ABAT: variants seen among roughly 807,000 people sequenced by gnomAD.
ABAT encodes 4-aminobutyrate aminotransferase, mitochondrial.
In ABAT, 45 loss-of-function variants were observed where a neutral mutation model predicts 64.6. That is an observed-to-expected ratio of 0.70 (90% CI 0.55 to 0.89). The LOEUF (loss-of-function observed/expected upper bound fraction) is 0.89. ABAT is among the 40% of genes least tolerant of loss of function. The pLI is 0.00. For synonymous variants in ABAT, 297 were observed against 250.5 expected (o/e 1.19, Z -1.75); for missense variants, 633 against 658.4 (o/e 0.96, Z 0.42).
At chr16:8,759,880 T>C (rs1419021946) in intron 6 of ABAT, among the ~76,000 whole-genome samples, 1 of 152,012 alleles carries the variant, frequency 6.6e-6, no homozygotes, top group Non-Finnish European at 1.5e-5. Context: ...GTAAATGGAG[T>C]TTTGCAGTGT....
intron 9 of ABAT, 57 bp downstream of exon 9, chr16:8,766,327 G>C (rs747634317): frequency 2.0e-4 from 306 of 1,554,028 alleles, no homozygotes; most frequent in Non-Finnish European, 2.6e-4. Flanking sequence ...AGCCTCTCCC[G>C]GGCTGTTGCT....
intron 1 of ABAT, among the ~76,000 whole-genome samples, chr16:8,690,683 A>G (rs2057559089): frequency 6.6e-6 from 1 of 152,172 alleles, no homozygotes; most frequent in Admixed American, 6.5e-5. Context: ...GGCAGCCAAC[A>G]TGGGGTTTTG....
At chr16:8,749,468 G>T (rs1267988363) in intron 4 of ABAT, among the ~76,000 whole-genome samples, 3 of 126,624 alleles carry the variant, frequency 2.4e-5, no homozygotes, top group Admixed American at 1.0e-4. Context: ...GCACAATCTC[G>T]GCTCACTGCA....
intron 1 of ABAT, among the ~76,000 whole-genome samples, chr16:8,686,144 C>T (rs922671448): frequency 5.9e-5 from 9 of 152,214 alleles, no homozygotes; most frequent in South Asian, 2.1e-4. Context: ...GGAACAAAGC[C>T]TGCCTCCTCT....
chr16:8,703,461 A>C (rs1457057566), intron 1 of ABAT, among the ~76,000 whole-genome samples: 1 of 150,382 alleles, frequency 6.6e-6, no homozygotes, highest in Non-Finnish European at 1.5e-5. Flanking sequence ...CTCTGTCTCA[A>C]AAAAAAAAAC....
intron 12 of ABAT, 92 bp downstream of exon 12, chr16:8,773,009 C>A: frequency 1.3e-6 from 2 of 1,547,566 alleles, no homozygotes; most frequent in Non-Finnish European, 1.8e-6. Flanking sequence ...TGCCTTGGAG[C>A]TTCTGTCAAT....
intron 2 of ABAT, among the ~76,000 whole-genome samples, chr16:8,744,502 G>C (rs1323499017): frequency 6.6e-6 from 1 of 151,686 alleles, no homozygotes; most frequent in Non-Finnish European, 1.5e-5. Context: ...CTAGTAGCTG[G>C]GATTACAGGT....
intron 3 of ABAT, among the ~76,000 whole-genome samples, chr16:8,747,414 G>C (rs1173715199): frequency 6.6e-6 from 1 of 152,198 alleles, no homozygotes; most frequent in African/African-American, 2.4e-5. Context: ...ATTTTGGATA[G>C]TGTTTTGCTA....
intron 1 of ABAT, among the ~76,000 whole-genome samples, chr16:8,684,715 C>A (rs1271198971): frequency 8.4e-6 from 1 of 119,356 alleles, no homozygotes; most frequent in Non-Finnish European, 1.7e-5. Flanking sequence ...AGAGTGAGAT[C>A]CTGTCTCAAA....
chr16:8,750,369 C>G, intron 4 of ABAT, 53 bp from the exon 5 acceptor site: 1 of 1,464,492 alleles, frequency 6.8e-7, no homozygotes, highest in African/African-American at 1.4e-5. Flanking sequence ...TCCTAAAAGC[C>G]CAAGAATCTA....
In ABAT at chr16:8,726,698, G is replaced by T. The variant is rs1197042104; in HGVS notation, c.-41-9001G>T. ...GATATACTGAGTTCCTTCCTTTTGT[G>T]TATTTACCCAGCAGTGGGATTCCTG... On this transcript the variant is annotated intron_variant, in intron 1 of 15. Coordinates refer to ENST00000268251, the MANE Select transcript of ABAT (RefSeq NM_020686.6). Among the ~76,000 whole-genome samples the T allele has an allele frequency of 2.0e-5, 3 of 152,194 alleles. No homozygotes were observed. The East Asian group carries it at 5.8e-4, about 29-fold the overall frequency.
chr16:8,765,887 G>A (rs2059929792), intron 8 of ABAT: 1 of 354,066 alleles, frequency 2.8e-6, no homozygotes, highest in Non-Finnish European at 5.5e-6. Flanking sequence ...GCCACCCAAA[G>A]TACTAGGATT....
chr16:8,718,668 C>A (rs1485509940), intron 1 of ABAT, among the ~76,000 whole-genome samples: 1 of 152,112 alleles, frequency 6.6e-6, no homozygotes, highest in African/African-American at 2.4e-5. Context: ...GAAGATGACC[C>A]CTAAATGGCA....
intron 1 of ABAT, among the ~76,000 whole-genome samples, chr16:8,697,995 A>G (rs2057741113): frequency 6.6e-6 from 1 of 152,238 alleles, no homozygotes; most frequent in South Asian, 2.1e-4. Flanking sequence ...GGTAGTAGTA[A>G]TAGCTGACAT....
chr16:8,691,631 G>T (rs1011750336), intron 1 of ABAT, among the ~76,000 whole-genome samples: 3 of 152,178 alleles, frequency 2.0e-5, no homozygotes, highest in Non-Finnish European at 4.4e-5. Context: ...AATAGAGAGG[G>T]GGTTTCGCCA....
intron 1 of ABAT, among the ~76,000 whole-genome samples, chr16:8,680,859 T>C (rs922226697): frequency 3.3e-5 from 5 of 152,230 alleles, no homozygotes; most frequent in Non-Finnish European, 7.3e-5. Flanking sequence ...TATTTGTATA[T>C]TATCTTCAGA....
intron 10 of ABAT, 81 bp downstream of exon 10, chr16:8,768,337 C>A: frequency 1.4e-6 from 2 of 1,394,136 alleles, no homozygotes; most frequent in Non-Finnish European, 2.0e-6. Context: ...CTGACATTAG[C>A]AGTTTACACA....
chr16:8,674,902 C>G (rs1018161059), intron 1 of ABAT, among the ~76,000 whole-genome samples, 191 bp downstream of exon 1: 1 of 152,160 alleles, frequency 6.6e-6, no homozygotes, highest in Non-Finnish European at 1.5e-5. Context: ...AAATACCTTC[C>G]TTTCTCCTTC....
intron 2 of ABAT, among the ~76,000 whole-genome samples, chr16:8,741,981 T>C (rs1384463133): frequency 6.6e-6 from 1 of 152,258 alleles, no homozygotes; most frequent in South Asian, 2.1e-4. Flanking sequence ...TAGTAAAGAC[T>C]GAATATGTGT....
Sources: allele counts gnomAD v4.1 joint callset (sites outside exome capture counted in the v4.1 genomes callset), GRCh38; gene constraint gnomAD v4.1.1; transcripts MANE v1.5; gene names NCBI Gene and HGNC (gene_info 2026-07-23, HGNC 2026-07-21).